CA10: variants seen among roughly 807,000 people sequenced by gnomAD.
The protein encoded by CA10 is carbonic anhydrase-related protein 10.
A neutral mutation model predicts 44.2 loss-of-function variants in CA10; 14 were observed. The observed-to-expected ratio is 0.32, with a 90% CI of 0.21 to 0.50. CA10 has a LOEUF of 0.50. CA10 is among the 20% of genes least tolerant of loss of function. The probability of loss-of-function intolerance (pLI) is 0.99; values close to 1 mark genes in which losing one functional copy is unlikely to be tolerated. For missense variants in CA10, 350 were observed against 409.7 expected (o/e 0.85, Z 1.26); for synonymous variants, 159 against 141.6 (o/e 1.12, Z -0.87).
At chr17:52,059,048 A>T (rs1371157096) in intron 2 of CA10, among the ~76,000 whole-genome samples, 1 of 152,160 alleles carries the variant, frequency 6.6e-6, no homozygotes, top group East Asian at 1.9e-4. Context: ...AGGGTGAGTC[A>T]GTGTAACATC....
intron 3 of CA10, among the ~76,000 whole-genome samples, chr17:51,798,357 C>G (rs560415886): frequency 6.6e-6 from 1 of 152,232 alleles, no homozygotes; most frequent in Non-Finnish European, 1.5e-5. Context: ...GCATCTGTGT[C>G]TGTTTCAGGC....
At chr17:51,719,221 G>A (rs144755473) in intron 4 of CA10, among the ~76,000 whole-genome samples, 119 of 152,236 alleles carry the variant, frequency 7.8e-4, no homozygotes, top group African/African-American at 2.7e-3. Flanking sequence ...GCATGACATC[G>A]CCTGCAAATT....
chr17:51,865,993 G>C (rs548427167), intron 3 of CA10, among the ~76,000 whole-genome samples: 2 of 152,334 alleles, frequency 1.3e-5, no homozygotes, highest in Non-Finnish European at 2.9e-5. Flanking sequence ...TGAATGAGCT[G>C]TTGGCTTCCC....
At chr17:51,651,454 G>A (rs1472586457) in intron 5 of CA10, among the ~76,000 whole-genome samples, 1 of 152,194 alleles carries the variant, frequency 6.6e-6, no homozygotes, top group Non-Finnish European at 1.5e-5. Context: ...GAAAGTTTCA[G>A]GTCTGCTCAG....
intron 3 of CA10, among the ~76,000 whole-genome samples, chr17:51,845,171 T>A (rs571833402): frequency 6.6e-6 from 1 of 152,330 alleles, no homozygotes; most frequent in South Asian, 2.1e-4. Flanking sequence ...CACCTCCAGA[T>A]GTGACAGGGA....
chr17:51,831,667 A>AAGAAGCAGCAGCAGCAGCAGC (rs1908246555), intron 3 of CA10, among the ~76,000 whole-genome samples: 1 of 127,412 alleles, frequency 7.8e-6, no homozygotes, highest in Non-Finnish European at 1.6e-5. Flanking sequence ...AGAAAAGAAA[A>AAGAAGCAGCAGCAGCAGCAGC]AGCAGCAGCA....
intron 3 of CA10, among the ~76,000 whole-genome samples, chr17:51,881,396 C>T (rs1205194719): frequency 6.6e-6 from 1 of 151,692 alleles, no homozygotes; most frequent in African/African-American, 2.4e-5. Flanking sequence ...CAATAAAGGA[C>T]GAAACCCAGG....
At chr17:52,131,149 T>C (rs1020299657) in intron 1 of CA10, among the ~76,000 whole-genome samples, 267 of 152,056 alleles carry the variant, frequency 1.8e-3, no homozygotes, top group African/African-American at 6.1e-3. Flanking sequence ...TGTTTGGCAT[T>C]ACCCCAAAGT....
intron 6 of CA10, among the ~76,000 whole-genome samples, chr17:51,645,590 G>C (rs541140707): frequency 6.6e-6 from 1 of 152,302 alleles, no homozygotes; most frequent in African/African-American, 2.4e-5. Flanking sequence ...GCAAAAAGAT[G>C]CTTCTTCAAA....
intron 3 of CA10, among the ~76,000 whole-genome samples, chr17:51,915,546 G>T (rs1379176057): frequency 6.6e-6 from 1 of 152,082 alleles, no homozygotes; most frequent in East Asian, 1.9e-4. Context: ...AGAACAGTTT[G>T]ACTATATTAA....
intron 3 of CA10, among the ~76,000 whole-genome samples, chr17:51,757,032 C>T (rs2143628428): frequency 1.3e-5 from 2 of 152,246 alleles, no homozygotes; most frequent in South Asian, 4.2e-4. Context: ...GATTCAACGG[C>T]CGTGTCATGA....
chr17:51,652,394 G>A (rs962211708), intron 5 of CA10, among the ~76,000 whole-genome samples: 1 of 152,240 alleles, frequency 6.6e-6, no homozygotes, highest in African/African-American at 2.4e-5. Context: ...GCTGGGACCA[G>A]TTTCCTTTGA....
chr17:51,849,207 A>ATATATACATATATG lies in CA10; in HGVS notation c.279+81782_279+81783insCATATATGTATATA, dbSNP rs1978658149. Among the ~76,000 whole-genome samples the ATATATACATATATG allele has an allele frequency of 7.4e-5, 3 of 40,782 alleles. 1 individual carries two copies. Among genetic ancestry groups the ATATATACATATATG allele is most frequent in the Non-Finnish European group, 4.0e-5 (1 of 24,726 alleles). The allele number at this position is 40,782 out of a possible 152,430, so 26.8% of individuals were successfully genotyped here. A position where few individuals can be genotyped will look rare whatever the true frequency, so the allele number is the denominator to read the frequency against. ...TGTATATATATATATACATATATGTATATATATATATACATATATGTGTGT... is the reference window on the plus strand; with the variant it reads ...TGTATATATATATATACATATATGTATATATACATATATGTATATATATATACATATATGTGTGT... On this transcript the variant is annotated intron_variant, in intron 3 of 8. Transcript: ENST00000451037.
At chr17:51,943,228 C>G (rs978481480) in intron 2 of CA10, among the ~76,000 whole-genome samples, 2 of 152,126 alleles carry the variant, frequency 1.3e-5, no homozygotes, top group Admixed American at 6.6e-5. Context: ...CTATTGAAAT[C>G]ATCACTCTGG....
chr17:51,743,981 T>C (rs1359268636), intron 4 of CA10, among the ~76,000 whole-genome samples: 3 of 152,266 alleles, frequency 2.0e-5, no homozygotes, highest in African/African-American at 4.8e-5. Flanking sequence ...TGTTGACTTT[T>C]ACTGAGGCTA....
intron 2 of CA10, among the ~76,000 whole-genome samples, chr17:52,015,188 G>A (rs1387655628): frequency 3.3e-5 from 5 of 151,984 alleles, no homozygotes; most frequent in Non-Finnish European, 1.5e-5. Flanking sequence ...GAAGTATATA[G>A]ACGTATAATG....
chr17:51,690,639 A>T (rs1186083247), intron 4 of CA10, among the ~76,000 whole-genome samples: 1 of 152,194 alleles, frequency 6.6e-6, no homozygotes, highest in Non-Finnish European at 1.5e-5. Context: ...TCCCCTGCAC[A>T]TGCTCTCTTG....
intron 3 of CA10, chr17:51,762,969 AT>A (rs531448319): frequency 6.7e-4 from 101 of 151,840 alleles, no homozygotes; most frequent in African/African-American, 2.4e-3. Context: ...TGTGATGTGC[AT>A]CCCCACCTCC....
chr17:51,755,531 T>C (rs1905050421), intron 3 of CA10, among the ~76,000 whole-genome samples: 2 of 152,164 alleles, frequency 1.3e-5, no homozygotes, highest in East Asian at 1.9e-4. Context: ...TCCTCTAATA[T>C]AGTAAAAAAT....
Sources: gnomAD v4.1 joint callset for allele counts (sites outside exome capture counted in the v4.1 genomes callset) on GRCh38, gnomAD v4.1.1 for gene constraint, MANE v1.5 for transcripts, NCBI Gene and HGNC (gene_info 2026-07-23, HGNC 2026-07-21) for gene names.